MAD1L1: variants seen among roughly 807,000 people sequenced by gnomAD.
The protein encoded by MAD1L1 is mitotic arrest deficient 1 like 1.
In MAD1L1, 95 loss-of-function variants were observed where a neutral mutation model predicts 96.9. That is an observed-to-expected ratio of 0.98 (90% CI 0.83 to 1.16). The LOEUF is 1.16. Ranked by LOEUF, MAD1L1 falls within the 50% of genes most tolerant of loss-of-function variation. The pLI, the probability that MAD1L1 is intolerant of heterozygous loss-of-function variation, is 0.00. For synonymous variants in MAD1L1, 473 were observed against 396.6 expected, an observed-to-expected ratio of 1.19 and a Z score of -2.29; for missense variants, 1,007 against 954.4, an observed-to-expected ratio of 1.06 and a Z score of -0.73.
At chr7:1,959,645 G>T (rs974798544) in intron 15 of MAD1L1, among the ~76,000 whole-genome samples, 1 of 152,036 alleles carries the variant, frequency 6.6e-6, no homozygotes, top group Non-Finnish European at 1.5e-5. Context: ...AGAGGAGGGA[G>T]AAATTTCTGA....
At chr7:2,219,641 C>T (rs185411114) in intron 5 of MAD1L1, among the ~76,000 whole-genome samples, 185 bp from the exon 6 acceptor site, 3,218 of 82,328 alleles carry the variant, frequency 0.039, 79 homozygotes, top group Non-Finnish European at 0.042. Flanking sequence ...GGGGGCAGAG[C>T]GGTAGGGGGG....
At chr7:2,126,202 G>A (rs573383310) in intron 11 of MAD1L1, among the ~76,000 whole-genome samples, 71 of 152,344 alleles carry the variant, frequency 4.7e-4, no homozygotes, top group African/African-American at 1.5e-3. Flanking sequence ...AGAGCGTCTC[G>A]GGAGCCGAGA....
intron 14 of MAD1L1, among the ~76,000 whole-genome samples, chr7:1,989,681 C>T (rs940123145): frequency 2.0e-5 from 3 of 152,300 alleles, no homozygotes; most frequent in Admixed American, 2.0e-4. Flanking sequence ...CAGCGTGGAC[C>T]AGCCTCAGCG....
chr7:1,845,742 G>T (rs1783585689), intron 18 of MAD1L1: 1 of 152,406 alleles, frequency 6.6e-6, no homozygotes, highest in Admixed American at 6.6e-5. Flanking sequence ...CACGCGTCGG[G>T]TTCCGGCTCA....
At chr7:2,036,913 G>A (rs1783460934) in intron 12 of MAD1L1, among the ~76,000 whole-genome samples, 2 of 152,058 alleles carry the variant, frequency 1.3e-5, no homozygotes, top group South Asian at 2.1e-4. Flanking sequence ...CCACCAACGC[G>A]CACGAGGCAC....
At chr7:1,863,164 A>C (rs1245192879) in intron 18 of MAD1L1, among the ~76,000 whole-genome samples, 1 of 152,266 alleles carries the variant, frequency 6.6e-6, no homozygotes, top group East Asian at 1.9e-4. Context: ...GCGCACGAGG[A>C]GGCCGCCTCA....
At chr7:2,223,878 GA>G (rs1793741602) in intron 4 of MAD1L1, among the ~76,000 whole-genome samples, 1 of 152,156 alleles carries the variant, frequency 6.6e-6, no homozygotes. Flanking sequence ...GAACTCCAAG[GA>G]ACAATTGGAA....
intron 11 of MAD1L1, among the ~76,000 whole-genome samples, chr7:2,144,687 G>A (rs1789206144): frequency 6.6e-6 from 1 of 152,142 alleles, no homozygotes; most frequent in Admixed American, 6.5e-5. Context: ...GGCCCGGAAA[G>A]GGAAGGGAGG....
chr7:2,201,654 A>G (rs1792306141), intron 10 of MAD1L1, among the ~76,000 whole-genome samples: 1 of 152,218 alleles, frequency 6.6e-6, no homozygotes, highest in African/African-American at 2.4e-5. Context: ...AGCCCCAAAA[A>G]GAGCTCCGAG....
At chr7:2,035,214 C>G (rs986169719) in intron 12 of MAD1L1, among the ~76,000 whole-genome samples, 73 of 152,250 alleles carry the variant, frequency 4.8e-4, no homozygotes, top group African/African-American at 1.7e-3. Context: ...CAAGGACACG[C>G]TGAGAAATGT....
intron 11 of MAD1L1, among the ~76,000 whole-genome samples, chr7:2,091,649 G>A (rs190129668): frequency 4.7e-4 from 72 of 152,172 alleles, no homozygotes; most frequent in African/African-American, 1.4e-3. Flanking sequence ...AGTGGTGGGC[G>A]CCTGTAGTCC....
At chr7:1,884,368 C>A (rs1785879970) in intron 18 of MAD1L1, among the ~76,000 whole-genome samples, 1 of 152,236 alleles carries the variant, frequency 6.6e-6, no homozygotes, top group Admixed American at 6.5e-5. Context: ...AGCTCCCCTG[C>A]CTCTGGCTTG....
chr7:1,968,925 G>A lies in MAD1L1; in HGVS notation c.1506-11206C>T, dbSNP rs183962456. Among the ~76,000 whole-genome samples, 735 of 152,276 alleles carry A rather than the reference G, an allele frequency of 4.8e-3. 2 individuals carry two copies. The highest frequency in any genetic ancestry group is 7.1e-3 in the Non-Finnish European group (482 of 68,026). Reference sequence around the variant, plus strand: ...GGAAAGCCTGGTGGATCCAAACAAGGGCTGGAGACAGGCCCAGAGTCACAC... The same window carrying A: ...GGAAAGCCTGGTGGATCCAAACAAGAGCTGGAGACAGGCCCAGAGTCACAC... On this transcript the variant is annotated intron_variant, in intron 15 of 18. Transcript: ENST00000265854. The surrounding 1 kb of genome is among the most constrained non-coding windows in gnomAD (Gnocchi z 5.6).
At position 2,077,843 on chromosome 7, in the gene MAD1L1, C is replaced by T. The variant is rs959275763; in HGVS notation, c.1074-8505G>A. 2.6e-5 allele frequency among the ~76,000 whole-genome samples: 4 copies of T among 152,186 alleles called. No individual in the cohort carries two copies. In the East Asian group the frequency reaches 5.8e-4, roughly 22 times the overall value. On this transcript the variant is annotated intron_variant, in intron 11 of 18. Coordinates refer to ENST00000265854, the MANE Select transcript of MAD1L1 (RefSeq NM_001013836.2). ...AACAACCTCCCAAACCACACGTGCT[C>T]GTCCTCCAGTCACAAGAACTGTACA...
chr7:2,053,521 G>A (rs1006388132), intron 12 of MAD1L1, among the ~76,000 whole-genome samples: 1 of 152,344 alleles, frequency 6.6e-6, no homozygotes, highest in Admixed American at 6.5e-5. Flanking sequence ...TCTGGGTTCC[G>A]GGAAGTAGAG....
intron 18 of MAD1L1, among the ~76,000 whole-genome samples, chr7:1,842,809 G>T (rs941130854): frequency 6.6e-6 from 1 of 152,256 alleles, no homozygotes; most frequent in Non-Finnish European, 1.5e-5. Flanking sequence ...TCTGAGTGCT[G>T]CACAGCTGCG....
intron 18 of MAD1L1, among the ~76,000 whole-genome samples, chr7:1,866,490 C>A (rs73286695): frequency 6.6e-6 from 1 of 152,146 alleles, no homozygotes; most frequent in African/African-American, 2.4e-5. Flanking sequence ...ACCCTCCAGA[C>A]GGTTCCAGTC....
At chr7:1,885,266 C>T (rs576874441) in intron 18 of MAD1L1, among the ~76,000 whole-genome samples, 8 of 152,302 alleles carry the variant, frequency 5.3e-5, no homozygotes, top group Non-Finnish European at 7.4e-5. Flanking sequence ...CAGAGCTCCA[C>T]GAAGGGCTGC....
At chr7:2,208,783 GC>G (rs1792729911) in intron 10 of MAD1L1, among the ~76,000 whole-genome samples, 2 of 152,140 alleles carry the variant, frequency 1.3e-5, no homozygotes, top group South Asian at 4.2e-4. Flanking sequence ...CCCCTCCTGT[GC>G]CCGAGGTCTT....
Sources: allele counts gnomAD v4.1 joint callset (sites outside exome capture counted in the v4.1 genomes callset), GRCh38; gene constraint gnomAD v4.1.1; non-coding constraint Gnocchi (gnomAD v3.1); transcripts MANE v1.5; gene names NCBI Gene and HGNC (gene_info 2026-07-23, HGNC 2026-07-21).